The following TMEM132D variants were observed in gnomAD, a reference collection of about 807,000 sequenced individuals.
TMEM132D encodes the protein mature OL transmembrane protein.
In TMEM132D, 21 loss-of-function variants were observed where a neutral mutation model predicts 62.3. That is an observed-to-expected ratio of 0.34 (90% CI 0.24 to 0.49). The LOEUF is 0.49. TMEM132D is among the 20% of genes least tolerant of loss of function. The pLI, the probability that TMEM132D is intolerant of heterozygous loss-of-function variation, is 0.99. For missense variants in TMEM132D, 1,346 were observed against 1,402.8 expected (o/e 0.96, Z 0.65); for synonymous variants, 621 against 575.6 (o/e 1.08, Z -1.13).
At chr12:129,877,685 C>T (rs1874473431) in intron 1 of TMEM132D, among the ~76,000 whole-genome samples, 1 of 152,186 alleles carries the variant, frequency 6.6e-6, no homozygotes, top group Non-Finnish European at 1.5e-5. Context: ...CTTGCAGCCT[C>T]TCTAGAGAGC....
intron 1 of TMEM132D, among the ~76,000 whole-genome samples, chr12:129,721,244 C>T (rs539257121): frequency 6.6e-5 from 10 of 152,236 alleles, no homozygotes; most frequent in African/African-American, 2.2e-4. Flanking sequence ...GGAGGCTGGC[C>T]CGGTGTTCCC....
intron 3 of TMEM132D, among the ~76,000 whole-genome samples, chr12:129,524,924 T>TTC (rs1156684858): frequency 1.2e-4 from 10 of 84,120 alleles, no homozygotes; most frequent in Admixed American, 3.8e-4. Context: ...TTTTTTCTTT[T>TTC]TTCTTTTTTT....
intron 5 of TMEM132D, among the ~76,000 whole-genome samples, chr12:129,157,241 C>T (rs549414572): frequency 6.6e-6 from 1 of 152,364 alleles, no homozygotes; most frequent in South Asian, 2.1e-4. Flanking sequence ...CATTAGTCCA[C>T]TTGTGAGGGC....
At chr12:129,583,830 T>C (rs1877945399) in intron 2 of TMEM132D, among the ~76,000 whole-genome samples, 1 of 152,196 alleles carries the variant, frequency 6.6e-6, no homozygotes, top group African/African-American at 2.4e-5. Flanking sequence ...ACCAACACAC[T>C]GAGTGTTTTC....
At chr12:129,264,743 G>A (rs1182608802) in intron 4 of TMEM132D, among the ~76,000 whole-genome samples, 3 of 152,162 alleles carry the variant, frequency 2.0e-5, no homozygotes, top group African/African-American at 7.2e-5. Flanking sequence ...CCATGAAAAG[G>A]AACGAATTAA....
At chr12:129,504,354 A>G (rs1197756420) in intron 3 of TMEM132D, among the ~76,000 whole-genome samples, 1 of 152,230 alleles carries the variant, frequency 6.6e-6, no homozygotes, top group African/African-American at 2.4e-5. Context: ...TGTAGAATTC[A>G]GCTGTAAATC....
intron 4 of TMEM132D, among the ~76,000 whole-genome samples, chr12:129,236,256 C>G (rs1879780512): frequency 6.6e-6 from 1 of 151,776 alleles, no homozygotes. Context: ...GTGGCTCACG[C>G]TTGTTATCCC....
intron 1 of TMEM132D, among the ~76,000 whole-genome samples, chr12:129,747,450 CCT>C (rs1310322228): frequency 2.0e-5 from 3 of 148,602 alleles, no homozygotes; most frequent in South Asian, 2.2e-4. Context: ...TCTCAGTCAC[CCT>C]CTCACACACA....
intron 1 of TMEM132D, among the ~76,000 whole-genome samples, chr12:129,832,512 TG>T (rs1343569128): frequency 6.6e-6 from 1 of 152,094 alleles, no homozygotes; most frequent in Non-Finnish European, 1.5e-5. Flanking sequence ...GTTTATGAAA[TG>T]GGGAGATGAC....
chr12:129,223,064 A>T (rs562599151), intron 4 of TMEM132D, among the ~76,000 whole-genome samples: 3 of 152,152 alleles, frequency 2.0e-5, no homozygotes, highest in Non-Finnish European at 4.4e-5. Flanking sequence ...AGCTGGGGGG[A>T]GAAAGAGATA....
chr12:129,218,583 C>T (rs1032773806), intron 4 of TMEM132D, among the ~76,000 whole-genome samples: 1 of 152,186 alleles, frequency 6.6e-6, no homozygotes, highest in Non-Finnish European at 1.5e-5. Flanking sequence ...GTGGTATACG[C>T]AGTTCATTGT....
intron 2 of TMEM132D, among the ~76,000 whole-genome samples, chr12:129,591,799 A>G (rs1878198713): frequency 6.6e-6 from 1 of 152,102 alleles, no homozygotes; most frequent in African/African-American, 2.4e-5. Context: ...AAACATGAAG[A>G]ATTTTGAGTT....
At chr12:129,392,853 A>G (rs545495035) in intron 3 of TMEM132D, among the ~76,000 whole-genome samples, 41 of 152,330 alleles carry the variant, frequency 2.7e-4, no homozygotes, top group Admixed American at 9.8e-4. Context: ...ATTCAAGTGA[A>G]CAGACAGGGC....
chr12:129,471,199 G>A lies in TMEM132D; in HGVS notation c.1115+59860C>T, dbSNP rs532912366. 1.6e-3 allele frequency among the ~76,000 whole-genome samples: 211 copies of A among 130,568 alleles called. 3 individuals are homozygous for A. Among genetic ancestry groups the A allele is most frequent in the South Asian group, 4.3e-3 (17 of 3,938 alleles). 85.7% of individuals were successfully genotyped at this position (130,568 alleles called of 152,430 possible). On this transcript the variant is annotated intron_variant, in intron 3 of 8. Coordinates refer to ENST00000422113, the MANE Select transcript of TMEM132D (RefSeq NM_133448.3). Reference sequence around the variant, plus strand: ...GTTGCACTTCACTTTATCGTGTTTTGTAGATATTACTTTTTTTTTTTTTTT... The same window carrying A: ...GTTGCACTTCACTTTATCGTGTTTTATAGATATTACTTTTTTTTTTTTTTT...
intron 5 of TMEM132D, among the ~76,000 whole-genome samples, chr12:129,126,876 T>C (rs545551274): frequency 6.6e-6 from 1 of 152,308 alleles, no homozygotes; most frequent in Non-Finnish European, 1.5e-5. Context: ...ATGTCATCAT[T>C]GCTAACAGCT....
At chr12:129,342,761 C>T (rs575497374) in intron 3 of TMEM132D, among the ~76,000 whole-genome samples, 17 of 152,190 alleles carry the variant, frequency 1.1e-4, no homozygotes, top group South Asian at 2.1e-4. Flanking sequence ...AAAAAGTGGG[C>T]GAAGGATATG....
At chr12:129,342,844 A>T (rs1043969439) in intron 3 of TMEM132D, among the ~76,000 whole-genome samples, 52 of 152,378 alleles carry the variant, frequency 3.4e-4, no homozygotes, top group African/African-American at 1.2e-3. Context: ...ATCACTGGCC[A>T]TCAGAGAAAT....
intron 1 of TMEM132D, among the ~76,000 whole-genome samples, chr12:129,870,012 G>A (rs1034857242): frequency 1.1e-4 from 17 of 152,070 alleles, no homozygotes; most frequent in African/African-American, 2.2e-4. Context: ...CCTGGGTTTC[G>A]TTTGTTTGTT....
intron 3 of TMEM132D, among the ~76,000 whole-genome samples, chr12:129,438,438 C>G (rs759052521): frequency 5.3e-5 from 8 of 152,108 alleles, no homozygotes; most frequent in Non-Finnish European, 1.0e-4. Flanking sequence ...GCAGCAACAA[C>G]AACAAAATGA....
Sources: gnomAD v4.1 joint callset for allele counts (sites outside exome capture counted in the v4.1 genomes callset) on GRCh38, gnomAD v4.1.1 for gene constraint, MANE v1.5 for transcripts, NCBI Gene and HGNC (gene_info 2026-07-23, HGNC 2026-07-21) for gene names.